Variants in ZFP64 observed in about 807,000 individuals in gnomAD.
ZFP64 encodes the protein ZFP64 zinc finger protein.
Under a neutral mutation model 51.6 loss-of-function variants are expected in ZFP64, and 14 were observed. The observed-to-expected ratio is 0.27, with a 90% CI of 0.18 to 0.42. The LOEUF (loss-of-function observed/expected upper bound fraction) is 0.42, where lower values mean the gene tolerates loss of function less well. ZFP64 is among the 10% of genes least tolerant of loss of function. The pLI is 1.00. For missense variants in ZFP64, 754 were observed against 906.8 expected, an observed-to-expected ratio of 0.83 and a Z score of 2.16; for synonymous variants, 375 against 361.4, an observed-to-expected ratio of 1.04 and a Z score of -0.43.
At chr20:52,162,352 C>A (rs1385562636) in intron 4 of ZFP64, among the ~76,000 whole-genome samples, 4 of 150,890 alleles carry the variant, frequency 2.7e-5, no homozygotes, top group Non-Finnish European at 5.9e-5. Flanking sequence ...GTAGGCTGGG[C>A]GCGGTAGCTC....
intron 5 of ZFP64, chr20:52,104,900 TGA>T: frequency 1.5e-6 from 1 of 667,658 alleles, no homozygotes. Flanking sequence ...GACTAGCTCT[TGA>T]GAGGAGTGGC....
chr20:52,108,426 A>C (rs1478876597), intron 5 of ZFP64, among the ~76,000 whole-genome samples: 2 of 152,166 alleles, frequency 1.3e-5, no homozygotes, highest in African/African-American at 4.8e-5. Context: ...ACAACTGATT[A>C]GTCTTATTTT....
At chr20:52,097,764 G>T (rs1169965060) in intron 6 of ZFP64, among the ~76,000 whole-genome samples, 1 of 152,070 alleles carries the variant, frequency 6.6e-6, no homozygotes, top group Non-Finnish European at 1.5e-5. Flanking sequence ...CTGGCCTGAA[G>T]AATACAATTC....
At chr20:52,137,235 CTCTA>C (rs1028363771) in intron 5 of ZFP64, among the ~76,000 whole-genome samples, 3 of 152,140 alleles carry the variant, frequency 2.0e-5, no homozygotes, top group South Asian at 2.1e-4. Flanking sequence ...AAGCCCTGCT[CTCTA>C]TCTGAGAAGT....
At chr20:52,136,735 A>G (rs1415367389) in intron 5 of ZFP64, among the ~76,000 whole-genome samples, 1 of 152,092 alleles carries the variant, frequency 6.6e-6, no homozygotes, top group Admixed American at 6.6e-5. Flanking sequence ...CAAATTATAT[A>G]ATATATATAT....
downstream of ZFP64, among the ~76,000 whole-genome samples, chr20:52,147,643 C>T (rs1462873027): frequency 6.6e-6 from 1 of 152,050 alleles, no homozygotes; most frequent in Non-Finnish European, 1.5e-5. Context: ...GACAAATATA[C>T]CCTATTTTGG....
chr20:52,170,207 T>C (rs1982608117), intron 2 of ZFP64, among the ~76,000 whole-genome samples: 2 of 151,958 alleles, frequency 1.3e-5, no homozygotes, highest in African/African-American at 4.8e-5. Flanking sequence ...ATCCCAGCAC[T>C]TTGGGAGCCT....
rs180980721 is a variant in ZFP64 at position 52,135,343 on chromosome 20, A to C, written c.763+24780T>G. 5.9e-5 allele frequency among the ~76,000 whole-genome samples: 9 copies of C among 152,312 alleles called. No individual in the cohort carries two copies. The East Asian group carries it at 1.7e-3, about 29-fold the overall frequency. On this transcript the variant is annotated intron_variant, in intron 5 of 8. Transcript: ENST00000361387. ...CCCTGCTACCCCAGTGGGGCTGAATAGTTGGAACAGAGAAGATATGGCCCA... is the reference window on the plus strand; with the variant it reads ...CCCTGCTACCCCAGTGGGGCTGAATCGTTGGAACAGAGAAGATATGGCCCA...
intron 5 of ZFP64, among the ~76,000 whole-genome samples, chr20:52,100,054 T>C (rs573037932): frequency 6.6e-6 from 1 of 152,336 alleles, no homozygotes; most frequent in East Asian, 1.9e-4. Context: ...ATTGCAGTGG[T>C]GTGATCTTGG....
At chr20:52,183,543 C>T (rs1345344110) in intron 2 of ZFP64, among the ~76,000 whole-genome samples, 1 of 152,160 alleles carries the variant, frequency 6.6e-6, no homozygotes, top group Non-Finnish European at 1.5e-5. Flanking sequence ...GGCAACTTTG[C>T]TTGGTCCTGG....
intron 5 of ZFP64, among the ~76,000 whole-genome samples, chr20:52,154,797 AC>A (rs763057573): frequency 1.3e-5 from 2 of 152,150 alleles, no homozygotes; most frequent in Non-Finnish European, 2.9e-5. Flanking sequence ...CTGAAACACA[AC>A]CATGCATATT....
chr20:52,137,821 C>T (rs186705277), intron 5 of ZFP64, among the ~76,000 whole-genome samples: 18 of 152,012 alleles, frequency 1.2e-4, no homozygotes, highest in East Asian at 5.8e-4. Context: ...GATTGAGGCA[C>T]GGTTAATGTT....
intron 5 of ZFP64, chr20:52,105,364 G>A (rs748388573): frequency 8.1e-7 from 1 of 1,240,870 alleles, no homozygotes; most frequent in East Asian, 3.2e-5. Flanking sequence ...CTCATCAGCC[G>A]AGCAGGGCGA....
intron 5 of ZFP64, among the ~76,000 whole-genome samples, chr20:52,113,178 C>CA (rs1384222470): frequency 4.0e-5 from 6 of 151,482 alleles, no homozygotes; most frequent in Non-Finnish European, 7.4e-5. Context: ...ACTAAAAATA[C>CA]AAAAAATTAG....
intron 5 of ZFP64, among the ~76,000 whole-genome samples, chr20:52,116,886 A>G (rs550638915): frequency 3.3e-5 from 5 of 152,306 alleles, no homozygotes; most frequent in South Asian, 2.1e-4. Flanking sequence ...CCTGGCCAAC[A>G]TGGTGAAACC....
chr20:52,105,031 C>T (rs929755007), intron 5 of ZFP64: 4 of 1,331,312 alleles, frequency 3.0e-6, no homozygotes, highest in African/African-American at 3.0e-5. Context: ...CTTCGCCCGC[C>T]CTTTCAGGTC....
In ZFP64 at chr20:52,160,081, G is replaced by A; in HGVS notation, c.763+42C>T. On this transcript the variant is annotated intron_variant, in intron 5 of 5. Coordinates refer to ENST00000216923, the MANE Select transcript of ZFP64 (RefSeq NM_018197.3). The surrounding 1 kb of genome is among the most constrained non-coding windows in gnomAD (Gnocchi z 4.2). ...TAAGGTGCTTATGATTTATGCCATAGAAAGTGAGGAGCGTAGAGAGCAAAT... is the reference window on the plus strand; with the variant it reads ...TAAGGTGCTTATGATTTATGCCATAAAAAGTGAGGAGCGTAGAGAGCAAAT... 1 of 1,613,494 alleles carries A rather than the reference G, an allele frequency of 6.2e-7. No individual in the cohort carries two copies. The highest frequency in any genetic ancestry group is 2.2e-5 in the East Asian group (1 of 44,884).
At chr20:52,164,290 A>G (rs1303956870) in intron 4 of ZFP64, among the ~76,000 whole-genome samples, 1 of 152,210 alleles carries the variant, frequency 6.6e-6, no homozygotes, top group African/African-American at 2.4e-5. Context: ...ATAAAAGAAA[A>G]AGACAAAAAA....
At chr20:52,104,503 C>T (rs2079088741) in intron 5 of ZFP64, 2 of 358,136 alleles carry the variant, frequency 5.6e-6, no homozygotes, top group South Asian at 4.2e-5. Context: ...ATGCAGAGCT[C>T]TTACCAAGGC....
Sources: allele counts gnomAD v4.1 joint callset (sites outside exome capture counted in the v4.1 genomes callset), GRCh38; gene constraint gnomAD v4.1.1; non-coding constraint Gnocchi (gnomAD v3.1); transcripts MANE v1.5; gene names NCBI Gene and HGNC (gene_info 2026-07-23, HGNC 2026-07-21).